Variants in LRMDA observed in about 807,000 individuals in gnomAD.
LRMDA encodes leucine rich melanocyte differentiation associated.
A neutral mutation model predicts 29.8 loss-of-function variants in LRMDA; 18 were observed. The observed-to-expected ratio is 0.60, with a 90% confidence interval of 0.42 to 0.90. The LOEUF (loss-of-function observed/expected upper bound fraction) is 0.90, where lower values mean the gene tolerates loss of function less well. Ranked by LOEUF, LRMDA falls within the 40% of genes least tolerant of loss-of-function variation. The probability of loss-of-function intolerance (pLI) is 0.00; values close to 1 mark genes in which losing one functional copy is unlikely to be tolerated. For missense variants in LRMDA, 273 were observed against 273.9 expected, an observed-to-expected ratio of 1.00 and a Z score of 0.02; for synonymous variants, 125 against 109.4, an observed-to-expected ratio of 1.14 and a Z score of -0.89.
intron 5 of LRMDA, among the ~76,000 whole-genome samples, chr10:76,156,923 G>T (rs1850548304): frequency 6.6e-6 from 1 of 152,174 alleles, no homozygotes; most frequent in Admixed American, 6.5e-5. Flanking sequence ...TGCCTCAGGG[G>T]CAGAGAACGT....
At chr10:75,681,189 A>G (rs982341060) in intron 2 of LRMDA, among the ~76,000 whole-genome samples, 3 of 152,198 alleles carry the variant, frequency 2.0e-5, no homozygotes, top group South Asian at 2.1e-4. Flanking sequence ...ATTTCCTTCA[A>G]TGCAGAGAGA....
chr10:75,849,832 C>G (rs1311894126), intron 2 of LRMDA, among the ~76,000 whole-genome samples: 16 of 152,184 alleles, frequency 1.1e-4, no homozygotes, highest in Admixed American at 1.0e-3. Flanking sequence ...AGATTGGAAA[C>G]CAACAGTGTC....
At chr10:75,625,435 C>T (rs1841238394) in intron 2 of LRMDA, among the ~76,000 whole-genome samples, 1 of 152,170 alleles carries the variant, frequency 6.6e-6, no homozygotes, top group East Asian at 1.9e-4. Flanking sequence ...ATGCACTGTA[C>T]TGCATCTCAG....
At chr10:76,421,745 G>A (rs1034768420) in intron 6 of LRMDA, among the ~76,000 whole-genome samples, 2 of 152,058 alleles carry the variant, frequency 1.3e-5, no homozygotes, top group African/African-American at 2.4e-5. Flanking sequence ...GTTCCAGTCC[G>A]TGGCTAATAA....
chr10:75,856,054 T>C (rs1844820649), intron 2 of LRMDA, among the ~76,000 whole-genome samples: 1 of 152,216 alleles, frequency 6.6e-6, no homozygotes, highest in Non-Finnish European at 1.5e-5. Context: ...GCAGGCTCTT[T>C]TTTGGTTCCA....
At chr10:75,519,566 A>G (rs888849602) in intron 2 of LRMDA, among the ~76,000 whole-genome samples, 2 of 151,994 alleles carry the variant, frequency 1.3e-5, no homozygotes, top group Admixed American at 1.3e-4. Context: ...TTTTGAGCCT[A>G]TGTGTGTCTC....
intron 5 of LRMDA, among the ~76,000 whole-genome samples, chr10:76,268,065 T>A (rs1473101822): frequency 1.3e-5 from 2 of 152,142 alleles, no homozygotes; most frequent in African/African-American, 4.8e-5. Flanking sequence ...ATTCTCAAAC[T>A]TGAGGGGTGG....
At chr10:76,218,941 G>A (rs916043806) in intron 5 of LRMDA, among the ~76,000 whole-genome samples, 1 of 152,186 alleles carries the variant, frequency 6.6e-6, no homozygotes, top group Admixed American at 6.5e-5. Context: ...CGAGGAAACA[G>A]AATCTATGCA....
At chr10:75,860,175 C>T (rs942414186) in intron 2 of LRMDA, among the ~76,000 whole-genome samples, 6 of 152,120 alleles carry the variant, frequency 3.9e-5, no homozygotes, top group Non-Finnish European at 7.4e-5. Context: ...TGAGAGGAGC[C>T]CAAGAGGTCG....
chr10:76,333,285 G>A lies in LRMDA; in HGVS notation c.601+8800G>A, dbSNP rs370881363. Among the ~76,000 whole-genome samples, 62 of 152,292 alleles carry A rather than the reference G, an allele frequency of 4.1e-4. No individual in the cohort carries two copies. The South Asian group carries it at 0.013, about 32-fold the overall frequency. ...TTTATATTTTATTTAAAACCATGCTGTAGGATTATTAATCTGCAAGCAGTA... is the reference window on the plus strand; with the variant it reads ...TTTATATTTTATTTAAAACCATGCTATAGGATTATTAATCTGCAAGCAGTA... On this transcript the variant is annotated intron_variant, in intron 6 of 6. Coordinates refer to ENST00000611255, the MANE Select transcript of LRMDA (RefSeq NM_001305581.2).
intron 6 of LRMDA, among the ~76,000 whole-genome samples, chr10:76,345,037 C>A (rs1285356595): frequency 1.4e-5 from 2 of 147,024 alleles, no homozygotes; most frequent in South Asian, 2.2e-4. Context: ...TTAAAAAAAA[C>A]CTTTTACACA....
At chr10:75,655,691 T>C (rs1329388813) in intron 2 of LRMDA, among the ~76,000 whole-genome samples, 1 of 152,200 alleles carries the variant, frequency 6.6e-6, no homozygotes, top group African/African-American at 2.4e-5. Context: ...GAGTGACTGA[T>C]GTCTGTTCAG....
chr10:76,523,224 G>T (rs1843139541), intron 6 of LRMDA, among the ~76,000 whole-genome samples: 1 of 151,082 alleles, frequency 6.6e-6, no homozygotes, highest in Non-Finnish European at 1.5e-5. Flanking sequence ...GTGCTTTATT[G>T]TCCTCCAGCC....
intron 2 of LRMDA, among the ~76,000 whole-genome samples, chr10:76,000,457 T>C (rs1233206323): frequency 6.6e-6 from 1 of 152,124 alleles, no homozygotes; most frequent in African/African-American, 2.4e-5. Context: ...CCCTGGATGA[T>C]GGAGAAGTCC....
intron 5 of LRMDA, among the ~76,000 whole-genome samples, chr10:76,165,080 C>T (rs975015971): frequency 6.6e-6 from 1 of 152,254 alleles, no homozygotes; most frequent in African/African-American, 2.4e-5. Flanking sequence ...TCAAGCAATT[C>T]TCCTGCCTCA....
intron 5 of LRMDA, among the ~76,000 whole-genome samples, chr10:76,197,252 T>C (rs1851346402): frequency 6.6e-6 from 1 of 152,240 alleles, no homozygotes; most frequent in African/African-American, 2.4e-5. Flanking sequence ...GAGCCAGAAC[T>C]GAGCATAGTA....
chr10:76,405,181 C>G (rs1461888908), intron 6 of LRMDA, among the ~76,000 whole-genome samples: 1 of 152,164 alleles, frequency 6.6e-6, no homozygotes, highest in Non-Finnish European at 1.5e-5. Flanking sequence ...TGGCAGGACC[C>G]AGACTCATAA....
chr10:76,068,998 A>G (rs1021464536), intron 5 of LRMDA, among the ~76,000 whole-genome samples: 2 of 152,224 alleles, frequency 1.3e-5, no homozygotes, highest in Non-Finnish European at 2.9e-5. Flanking sequence ...CAAAGAGAAC[A>G]TCTTTCTTTC....
intron 2 of LRMDA, among the ~76,000 whole-genome samples, chr10:75,522,037 T>C (rs1242770181): frequency 6.6e-6 from 1 of 152,204 alleles, no homozygotes; most frequent in Non-Finnish European, 1.5e-5. Flanking sequence ...CTGTGTTGCA[T>C]TGTTAACTGT....
Sources: allele counts gnomAD v4.1 joint callset (sites outside exome capture counted in the v4.1 genomes callset), GRCh38; gene constraint gnomAD v4.1.1; transcripts MANE v1.5; gene names NCBI Gene and HGNC (gene_info 2026-07-23, HGNC 2026-07-21).